UNK: variants seen among roughly 807,000 people sequenced by gnomAD.
The protein encoded by UNK is RING finger protein unkempt homolog.
A neutral mutation model predicts 97.6 loss-of-function variants in UNK; 32 were observed. That is an observed-to-expected ratio of 0.33 (90% CI 0.25 to 0.44). The LOEUF (loss-of-function observed/expected upper bound fraction) is 0.44, where lower values mean the gene tolerates loss of function less well. Ranked by LOEUF, UNK falls within the 20% of genes least tolerant of loss-of-function variation. The pLI is 1.00. For synonymous variants in UNK, 441 were observed against 461.2 expected (o/e 0.96, Z 0.56); for missense variants, 771 against 1,098.4 (o/e 0.70, Z 4.21).
rs1057130914 is a variant in UNK at position 75,810,032 on chromosome 17, G to A, written c.314+63G>A. The A allele has an allele frequency of 8.8e-6, 14 of 1,584,236 alleles. No individual in the cohort carries two copies. The African/African-American group carries it at 1.5e-4, about 17-fold the overall frequency. On this transcript the variant is annotated intron_variant, in intron 2 of 15. Coordinates refer to ENST00000589666, the MANE Select transcript of UNK (RefSeq NM_001080419.3). ...CTCCTTCTGGGTCAGATGCCCTCAG[G>A]GTAGGCTGGGCAGATTCTGGGAAGC...
intron 2 of UNK, among the ~76,000 whole-genome samples, chr17:75,811,571 G>A (rs911194878): frequency 2.0e-5 from 3 of 152,368 alleles, no homozygotes; most frequent in East Asian, 3.9e-4. Flanking sequence ...GCCCTGGAAT[G>A]CCAGGCCCTG....
intron 1 of UNK, among the ~76,000 whole-genome samples, chr17:75,788,024 T>C (rs971889446): frequency 5.9e-5 from 9 of 152,040 alleles, no homozygotes; most frequent in Non-Finnish European, 1.0e-4. Context: ...TTGATTTTGA[T>C]TTTAAATGAA....
rs1437709754 is a variant in UNK at position 75,819,632 on chromosome 17, C to A, written c.1547-52C>A. ...CAGCGTGGGCAGTAGACGAGGTGGT[C>A]AGGGTCAGATAGTCCCTCGGGAGGT... On this transcript the variant is annotated intron_variant, in intron 11 of 15. Transcript: ENST00000589666. This position sits in a 1 kb window ranked among gnomAD's most constrained non-coding sequence, Gnocchi z 5.4. 2.1e-5 allele frequency: 33 copies of A among 1,549,846 alleles called. No individual in the cohort carries two copies. The highest frequency in any genetic ancestry group is 2.9e-5 in the Non-Finnish European group (33 of 1,122,354).
At position 75,823,451 on chromosome 17, in the gene UNK, G is replaced by C; in HGVS notation, c.2206G>C (p.Glu736Gln). The change falls in exon 15 of 16, where the codon GAG becomes CAG. Residue 736 changes from glutamate (E) to glutamine (Q), a missense_variant. Physicochemically the swap from Glu to Gln is conservative, Grantham distance 29 (BLOSUM62 2). This residue lies in a region of UNK where 208 missense variants were observed against 257.4 expected (regional missense o/e 0.81). Transcript: ENST00000589666. Reference protein sequence around the residue: ...PQALPAFSDLEALSLSTLYSL... With the variant: ...PQALPAFSDLQALSLSTLYSL... ...GGCCCTGCCCGCCTTCTCCGACCTG[G>C]AGGCGCTCTCACTCTCCACCCTCTA... 2 of 1,584,404 alleles carry C rather than the reference G, an allele frequency of 1.3e-6. No homozygotes were observed. Among genetic ancestry groups the C allele is most frequent in the Non-Finnish European group, 1.7e-6 (2 of 1,162,982 alleles).
At chr17:75,796,374 A>G (rs1448780905) in intron 1 of UNK, among the ~76,000 whole-genome samples, 1 of 150,154 alleles carries the variant, frequency 6.7e-6, no homozygotes, top group African/African-American at 2.5e-5. Context: ...GCTAGAGTGC[A>G]GTGACGTAAT....
At position 75,818,629 on chromosome 17, in the gene UNK, T is replaced by A. The variant is rs1437510927; in HGVS notation, c.1372-13T>A. On this transcript the variant is annotated splice_polypyrimidine_tract_variant and intron_variant, in intron 10 of 15. Coordinates refer to ENST00000589666, the MANE Select transcript of UNK (RefSeq NM_001080419.3). The surrounding 1 kb of genome is among the most constrained non-coding windows in gnomAD (Gnocchi z 5.1). ...GCCTACCATTGCTTCTCCTCTTCCC[T>A]CTCTCGTTGCAGGACATGCTGGGCA... 4.4e-6 allele frequency: 7 copies of A among 1,578,366 alleles called. No individual in the cohort carries two copies. The highest frequency in any genetic ancestry group is 6.0e-6 in the Non-Finnish European group (7 of 1,159,516).
In UNK at chr17:75,824,336, C is replaced by T. The variant is rs1350757268; in HGVS notation, c.2352C>T (p.His784=). The T allele has an allele frequency of 4.4e-6, 7 of 1,603,370 alleles. No individual in the cohort carries two copies. Among genetic ancestry groups the T allele is most frequent in the East Asian group, 2.3e-5 (1 of 44,116 alleles). ...AGCGGGCAGTGCTGCCGTGCCAACACGCTGCGCTGTGTGAGCTCTGCGCTG... is the reference window on the plus strand; with the variant it reads ...AGCGGGCAGTGCTGCCGTGCCAACATGCTGCGCTGTGTGAGCTCTGCGCTG... The part of the protein sequence containing the change: ...EQKRAVLPCQ[H]AALCELCAEG... The change falls in exon 16 of 16, where the codon CAC becomes CAT. Residue 784 remains histidine, a synonymous_variant. Coordinates refer to ENST00000589666, the MANE Select transcript of UNK (RefSeq NM_001080419.3). The surrounding 1 kb of genome is among the most constrained non-coding windows in gnomAD (Gnocchi z 4.9).
intron 1 of UNK, 130 bp downstream of exon 1, chr17:75,785,114 C>T (rs2061695776): frequency 1.7e-6 from 1 of 604,088 alleles, no homozygotes; most frequent in Non-Finnish European, 2.8e-6. Context: ...CGGCCCAGAC[C>T]GGTTCCAACC....
chr17:75,793,441 A>G (rs1049235094), intron 1 of UNK: 5 of 985,250 alleles, frequency 5.1e-6, no homozygotes, highest in Non-Finnish European at 6.0e-6. Flanking sequence ...TTTCTTTGCC[A>G]GTGTGTAGAA....
intron 1 of UNK, among the ~76,000 whole-genome samples, chr17:75,795,017 T>A (rs1339811354): frequency 6.6e-6 from 1 of 152,128 alleles, no homozygotes; most frequent in Non-Finnish European, 1.5e-5. Flanking sequence ...AAATAGATCC[T>A]TCAGTTCCTA....
chr17:75,812,492 A>G lies in UNK; in HGVS notation c.529A>G (p.Thr177Ala), dbSNP rs1265833342. The change falls in exon 4 of 16, where the codon ACC becomes GCC. Residue 177 changes from threonine (T) to alanine (A), a missense_variant. Transcript: ENST00000589666. ...QAMEALQNGQ[T>A]TVEGSIEGQS... The stretch of plus-strand genomic sequence containing the variant: ...CATGGAGGCCTTGCAGAATGGCCAG[A>G]CCACGGTAGAGGGGAGCATAGAGGG... The G allele has an allele frequency of 1.2e-6, 2 of 1,612,276 alleles. No individual in the cohort carries two copies. Among genetic ancestry groups the G allele is most frequent in the African/African-American group, 2.7e-5 (2 of 74,866 alleles).
Position 75,824,485 on chromosome 17 carries a change from T to G in UNK, c.*68T>G. ...GGACTTTTTAAAGTATATATATATA[T>G]ATGAATATATATATATATGTGTATG... On this transcript the variant is annotated 3_prime_UTR_variant, in exon 16 of 16. Coordinates refer to ENST00000589666, the MANE Select transcript of UNK (RefSeq NM_001080419.3). The surrounding 1 kb of genome is among the most constrained non-coding windows in gnomAD (Gnocchi z 4.9). 1.0e-6 allele frequency: 1 copy of G among 997,814 alleles called. No homozygotes were observed. The highest frequency in any genetic ancestry group is 1.3e-6 in the Non-Finnish European group (1 of 786,074). The allele number at this position is 997,814 out of a possible 1,614,324, so 61.8% of individuals were successfully genotyped here. A position where few individuals can be genotyped will look rare whatever the true frequency, so the allele number is the denominator to read the frequency against.
intron 1 of UNK, chr17:75,792,474 T>C: frequency 1.0e-6 from 1 of 985,446 alleles, no homozygotes. Flanking sequence ...AGATGGATGT[T>C]GAATGTAAGT....
chr17:75,801,572 G>T (rs531914313), intron 1 of UNK, among the ~76,000 whole-genome samples: 31 of 146,780 alleles, frequency 2.1e-4, no homozygotes, highest in African/African-American at 6.5e-4. Flanking sequence ...TTTTTTTTTT[G>T]AGATCACTCT....
intron 1 of UNK, among the ~76,000 whole-genome samples, chr17:75,798,894 G>A (rs563241417): frequency 5.3e-5 from 8 of 151,812 alleles, no homozygotes; most frequent in Non-Finnish European, 8.8e-5. Context: ...GTGAAACCCC[G>A]TCTCTACTAA....
intron 1 of UNK, chr17:75,785,253 C>G (rs546969028): frequency 2.3e-6 from 1 of 433,084 alleles, no homozygotes; most frequent in South Asian, 3.4e-5. Context: ...TCTCCCTAGG[C>G]CAGGCCTTCG....
In UNK at chr17:75,784,994, G is replaced by GCC. The variant is rs11335367; in HGVS notation, c.104+22_104+23dup. The GCC allele has an allele frequency of 2.9e-4, 308 of 1,074,190 alleles. No individual in the cohort carries two copies. The highest frequency in any genetic ancestry group is 3.2e-4 in the Middle Eastern group (1 of 3,092). The allele number at this position is 1,074,190 out of a possible 1,614,324, so 66.5% of individuals were successfully genotyped here. A position where few individuals can be genotyped will look rare whatever the true frequency, so the allele number is the denominator to read the frequency against. ...AACCGCAGCACTACACGTACGTAGA[G>GCC]CCCCCCCCCCCCCGCCGCGCGCGCA... On this transcript the variant is annotated intron_variant, in intron 1 of 15. Coordinates refer to ENST00000589666, the MANE Select transcript of UNK (RefSeq NM_001080419.3).
intron 13 of UNK, among the ~76,000 whole-genome samples, chr17:75,820,762 C>T (rs184668752): frequency 6.6e-6 from 1 of 152,110 alleles, no homozygotes; most frequent in African/African-American, 2.4e-5. Flanking sequence ...TTCCTGAGGG[C>T]GGGATGGGAA....
rs186655786 is a variant in UNK, at chr17:75,821,122, G to A, written c.1837+1014G>A. 1,081 of 274,466 alleles carry A rather than the reference G, an allele frequency of 3.9e-3. 5 individuals are homozygous for A. The highest frequency in any genetic ancestry group is 5.0e-3 in the Non-Finnish European group (691 of 137,646). 17.0% of individuals were successfully genotyped at this position (274,466 alleles called of 1,614,324 possible). A position where few individuals can be genotyped will look rare whatever the true frequency, so the allele number is the denominator to read the frequency against. ...AGTGCAGTGCAGTGGCATGATCCTA[G>A]CTCACTGCAGCCTGGAACTCCTGAG... On this transcript the variant is annotated intron_variant, in intron 13 of 15. Transcript: ENST00000589666.
Sources: gnomAD v4.1 joint callset for allele counts (sites outside exome capture counted in the v4.1 genomes callset) on GRCh38, gnomAD v4.1.1 for gene constraint, gnomAD v4.1.1 regional missense constraint, Gnocchi (gnomAD v3.1) non-coding constraint, MANE v1.5 for transcripts, NCBI Gene and HGNC (gene_info 2026-07-23, HGNC 2026-07-21) for gene names.